The following UEVLD variants were observed in gnomAD, a reference collection of about 807,000 sequenced individuals.
UEVLD encodes ubiquitin-conjugating enzyme E2 variant 3.
Under a neutral mutation model 58.6 loss-of-function variants are expected in UEVLD, and 47 were observed. That is an observed-to-expected ratio of 0.80 (90% CI 0.63 to 1.02). The LOEUF is 1.02. Ranked by LOEUF, UEVLD falls within the 50% of genes least tolerant of loss-of-function variation. The pLI is 0.00. For synonymous variants in UEVLD, 197 were observed against 195.3 expected (o/e 1.01, Z -0.07); for missense variants, 510 against 550.6 (o/e 0.93, Z 0.74).
rs1363606402 is a variant in UEVLD at position 18,566,411 on chromosome 11, A to T, written c.429T>A (p.Ser143=). ...AKFQEELPMY[S]LSSSDEARQV... ...GCCGTGCCTCATCAGATGATGATAG[A>T]GAATACATGGGAAGTTCCTCTTGAA... Residue 143 remains serine (S), a synonymous_variant, in exon 5 of 12, where the codon TCT becomes TCA. Transcript: ENST00000396197. The T allele has an allele frequency of 1.2e-6, 2 of 1,614,162 alleles. No individual in the cohort carries two copies. The highest frequency in any genetic ancestry group is 2.7e-5 in the African/African-American group (2 of 75,062).
intron 11 of UEVLD, 113 bp from the exon 12 acceptor site, chr11:18,532,600 T>C: frequency 3.4e-6 from 3 of 883,998 alleles, no homozygotes; most frequent in Non-Finnish European, 4.7e-6. Context: ...AAGTTGGACT[T>C]AAAAAAATTT....
Position 18,535,509 on chromosome 11 carries a change from A to G in UEVLD, c.1124+897T>C, listed in dbSNP as rs556587953. Reference sequence around the variant, plus strand: ...CACTAATCTTCTCAAGAAAGAGAACACTTTTTCCAGTTGTTATATTCTAAA... The same window carrying G: ...CACTAATCTTCTCAAGAAAGAGAACGCTTTTTCCAGTTGTTATATTCTAAA... On this transcript the variant is annotated intron_variant, in intron 10 of 11. Coordinates refer to ENST00000396197, the MANE Select transcript of UEVLD (RefSeq NM_001040697.4). 2.6e-5 allele frequency among the ~76,000 whole-genome samples: 4 copies of G among 152,352 alleles called. No homozygotes were observed. The Middle Eastern group carries it at 0.014, about 518-fold the overall frequency.
In UEVLD at chr11:18,529,659, A is replaced by C. The variant is rs1281931953; in HGVS notation, c.*2661T>G. 1.3e-5 allele frequency: 2 copies of C among 152,234 alleles called. No homozygotes were observed. The highest frequency in any genetic ancestry group is 2.9e-5 in the Non-Finnish European group (2 of 68,044). 9.4% of individuals were successfully genotyped at this position (152,234 alleles called of 1,614,324 possible). On this transcript the variant is annotated 3_prime_UTR_variant, in exon 12 of 12. Transcript: ENST00000396197. Reference sequence around the variant, plus strand: ...TCATTATTCTTAATATTTAAGGAAAACAATGTAAAATGGGAAAAAATGTAT... The same window carrying C: ...TCATTATTCTTAATATTTAAGGAAACCAATGTAAAATGGGAAAAAATGTAT...
rs112143982 is a variant in UEVLD, at chr11:18,532,148, A to G, written c.*172T>C. On this transcript the variant is annotated 3_prime_UTR_variant, in exon 12 of 12. Coordinates refer to ENST00000396197, the MANE Select transcript of UEVLD (RefSeq NM_001040697.4). ...TAAAATTAATTTTTCCCCTCCTTGT[A>G]TAACTCCTTAAGGATTTACATCACA... 1.8e-3 allele frequency: 938 copies of G among 516,528 alleles called. 7 individuals are homozygous for G. The highest frequency in any genetic ancestry group is 0.017 in the African/African-American group (866 of 50,522). 32.0% of individuals were successfully genotyped at this position (516,528 alleles called of 1,614,324 possible).
At chr11:18,576,093 C>T (rs895073806) in intron 2 of UEVLD, among the ~76,000 whole-genome samples, 3 of 152,174 alleles carry the variant, frequency 2.0e-5, no homozygotes, top group African/African-American at 7.2e-5. Context: ...TTTAAGCTGT[C>T]CTTGTTCCTT....
intron 6 of UEVLD, among the ~76,000 whole-genome samples, chr11:18,561,274 T>C (rs909585793): frequency 1.3e-5 from 2 of 152,150 alleles, no homozygotes; most frequent in Admixed American, 1.3e-4. Context: ...GTAATAACAG[T>C]ACCTAAACAA....
chr11:18,549,935 C>T (rs922955012), intron 7 of UEVLD, among the ~76,000 whole-genome samples: 3 of 151,914 alleles, frequency 2.0e-5, no homozygotes, highest in African/African-American at 4.8e-5. Context: ...GATTCTCCTG[C>T]GTCTGCCTCC....
Position 18,573,760 on chromosome 11 carries a change from G to C in UEVLD, c.193+1587C>G, listed in dbSNP as rs377599906. On this transcript the variant is annotated intron_variant, in intron 3 of 11. Transcript: ENST00000396197. ...GCATCTCTAGCAACAAGTCATGACT[G>C]GGGGTGGGGAGTGGGGAATTAAGGG... Among the ~76,000 whole-genome samples the C allele has an allele frequency of 3.9e-5, 6 of 152,290 alleles. No individual in the cohort carries two copies. The East Asian group carries it at 1.2e-3, about 29-fold the overall frequency.
In UEVLD at chr11:18,534,462, C is replaced by T. The variant is rs1850705553; in HGVS notation, c.1125-9G>A. ...TTAGCAGTTCCATGGCTCTAGGTTACAAAAATACGTGATCTCAGAAAATGC... is the reference window on the plus strand; with the variant it reads ...TTAGCAGTTCCATGGCTCTAGGTTATAAAAATACGTGATCTCAGAAAATGC... On this transcript the variant is annotated splice_polypyrimidine_tract_variant and intron_variant, in intron 10 of 11. Transcript: ENST00000396197. 2 of 1,557,800 alleles carry T rather than the reference C, an allele frequency of 1.3e-6. No individual in the cohort carries two copies. The highest frequency in any genetic ancestry group is 1.7e-6 in the Non-Finnish European group (2 of 1,162,988).
intron 1 of UEVLD, among the ~76,000 whole-genome samples, chr11:18,588,170 T>C (rs73424410): frequency 0.036 from 5,520 of 151,722 alleles, 235 homozygotes; most frequent in African/African-American, 0.096. Flanking sequence ...AATACATAAT[T>C]ACTCCACAAT....
chr11:18,581,702 G>C (rs1853249590), intron 1 of UEVLD, among the ~76,000 whole-genome samples: 2 of 151,784 alleles, frequency 1.3e-5, no homozygotes, highest in African/African-American at 4.8e-5. Flanking sequence ...AGAAAATTAG[G>C]GGGAAAAGGG....
At chr11:18,582,921 T>C (rs1853318901) in intron 1 of UEVLD, among the ~76,000 whole-genome samples, 1 of 152,160 alleles carries the variant, frequency 6.6e-6, no homozygotes, top group African/African-American at 2.4e-5. Context: ...TTCAGAAGAC[T>C]GATATTTCTT....
At chr11:18,540,761 T>C (rs907431838) in intron 9 of UEVLD, among the ~76,000 whole-genome samples, 1 of 152,192 alleles carries the variant, frequency 6.6e-6, no homozygotes, top group South Asian at 2.1e-4. Context: ...AATTACCACA[T>C]CTCTTCCCTG....
At chr11:18,568,711 T>C (rs1852423259) in intron 4 of UEVLD, among the ~76,000 whole-genome samples, 1 of 152,166 alleles carries the variant, frequency 6.6e-6, no homozygotes, top group Non-Finnish European at 1.5e-5. Flanking sequence ...TTCTTCTTTT[T>C]AAATGTTTTC....
At chr11:18,547,994 C>T (rs933209248) in intron 7 of UEVLD, among the ~76,000 whole-genome samples, 1 of 152,122 alleles carries the variant, frequency 6.6e-6, no homozygotes, top group Non-Finnish European at 1.5e-5. Context: ...GGCTCAAGTA[C>T]TCCTCCTGCT....
At chr11:18,574,119 C>T (rs1334520538) in intron 3 of UEVLD, among the ~76,000 whole-genome samples, 2 of 152,078 alleles carry the variant, frequency 1.3e-5, no homozygotes, top group Non-Finnish European at 2.9e-5. Context: ...GTTATTTGTC[C>T]TGGGATTATT....
rs141128785 is a variant in UEVLD, at chr11:18,568,119, C to T, written c.358-1637G>A. Among the ~76,000 whole-genome samples, 1,134 of 152,166 alleles carry T rather than the reference C, an allele frequency of 7.5e-3. 13 individuals are homozygous for T. The highest frequency in any genetic ancestry group is 0.026 in the African/African-American group (1,069 of 41,506). ...ATGATTGTGCTACTGCACTCCAGCA[C>T]GGGTGAAGACAGCATTACCCTGTCT... On this transcript the variant is annotated intron_variant, in intron 4 of 11. Transcript: ENST00000396197.
At chr11:18,578,521 G>A (rs1478037137) in intron 2 of UEVLD, among the ~76,000 whole-genome samples, 4 of 152,170 alleles carry the variant, frequency 2.6e-5, no homozygotes, top group African/African-American at 9.7e-5. Flanking sequence ...TAAGTTTGTG[G>A]TAGTTTGTTA....
chr11:18,588,473 T>C (rs1853703121), intron 1 of UEVLD, 140 bp downstream of exon 1: 1 of 996,592 alleles, frequency 1.0e-6, no homozygotes, highest in Non-Finnish European at 1.4e-6. Flanking sequence ...CCGCGCCCCA[T>C]AGCCGGTTTC....
Sources: gnomAD v4.1 joint callset for allele counts (sites outside exome capture counted in the v4.1 genomes callset) on GRCh38, gnomAD v4.1.1 for gene constraint, MANE v1.5 for transcripts, NCBI Gene and HGNC (gene_info 2026-07-23, HGNC 2026-07-21) for gene names.